Variants in DYNC2H1 observed in about 807,000 individuals in gnomAD.
DYNC2H1 encodes the protein cytoplasmic dynein 2 heavy chain 1.
DYNC2H1 carries 410 observed loss-of-function variants against 570.0 expected under a neutral mutation model. The ratio of observed to expected loss-of-function variants is 0.72; its 90% CI spans 0.66 to 0.78. The LOEUF (loss-of-function observed/expected upper bound fraction) is 0.78, where lower values mean the gene tolerates loss of function less well. Ranked by LOEUF, DYNC2H1 falls within the 30% of genes least tolerant of loss-of-function variation. The probability of loss-of-function intolerance (pLI) is 0.00; values close to 1 mark genes in which losing one functional copy is unlikely to be tolerated. For synonymous variants in DYNC2H1, 1,688 were observed against 1,677.6 expected (o/e 1.01, Z -0.15); for missense variants, 4,865 against 5,046.4 (o/e 0.96, Z 1.09).
chr11:103,315,204 A>C (rs1174347515), intron 79 of DYNC2H1, among the ~76,000 whole-genome samples: 2 of 152,070 alleles, frequency 1.3e-5, no homozygotes, highest in Non-Finnish European at 2.9e-5. Context: ...ATCCAGTTGG[A>C]TGTCTCAAAC....
At chr11:103,115,411 T>A in intron 4 of DYNC2H1, 116 bp downstream of exon 4, 1 of 607,932 alleles carries the variant, frequency 1.6e-6, no homozygotes, top group Non-Finnish European at 2.8e-6. Flanking sequence ...ACAAAATAGA[T>A]TCTTTATATG....
intron 69 of DYNC2H1, among the ~76,000 whole-genome samples, chr11:103,258,314 A>G (rs1865143077): frequency 6.6e-6 from 1 of 152,218 alleles, no homozygotes; most frequent in South Asian, 2.1e-4. Context: ...TTTTTAAGAG[A>G]TGGTGAGGCT....
At position 103,304,813 on chromosome 11, in the gene DYNC2H1, G is replaced by A. The variant is rs1867210342; in HGVS notation, c.11382+93G>A. 4 of 1,243,138 alleles carry A rather than the reference G, an allele frequency of 3.2e-6. No homozygotes were observed. In the African/African-American group the frequency reaches 4.6e-5, roughly 14 times the overall value. The allele number at this position is 1,243,138 out of a possible 1,614,324, so 77.0% of individuals were successfully genotyped here. A position where few individuals can be genotyped will look rare whatever the true frequency, so the allele number is the denominator to read the frequency against. Reference sequence around the variant, plus strand: ...TATTAAAATGTCATGCATTATTTATGATGATTTAAAAAGTAATATTTGAGA... The same window carrying A: ...TATTAAAATGTCATGCATTATTTATAATGATTTAAAAAGTAATATTTGAGA... On this transcript the variant is annotated intron_variant, in intron 77 of 88. Coordinates refer to ENST00000375735, the MANE Select transcript of DYNC2H1 (RefSeq NM_001377.3).
intron 83 of DYNC2H1, among the ~76,000 whole-genome samples, chr11:103,377,465 T>C (rs1364675671): frequency 6.6e-6 from 1 of 152,068 alleles, no homozygotes; most frequent in Non-Finnish European, 1.5e-5. Flanking sequence ...GAGATTAGAC[T>C]ATCGTACATA....
intron 87 of DYNC2H1, among the ~76,000 whole-genome samples, chr11:103,459,231 C>T (rs1405321846): frequency 1.5e-5 from 2 of 137,760 alleles, no homozygotes; most frequent in African/African-American, 2.7e-5. Flanking sequence ...ATGGCGTGAA[C>T]CCGGGAGGCG....
Position 103,128,893 on chromosome 11 carries a change from G to T in DYNC2H1, c.1858-17G>T. The stretch of plus-strand genomic sequence containing the variant: ...ATGAAGTTATTAATTATTACTAATT[G>T]GACTTTTACTTTGTAGGTGGCACAT... On this transcript the variant is annotated splice_polypyrimidine_tract_variant and intron_variant, in intron 12 of 88. Coordinates refer to ENST00000375735, the MANE Select transcript of DYNC2H1 (RefSeq NM_001377.3). 6.6e-7 allele frequency: 1 copy of T among 1,519,466 alleles called. No individual in the cohort carries two copies. Among genetic ancestry groups the T allele is most frequent in the Non-Finnish European group, 8.9e-7 (1 of 1,122,452 alleles). 94.1% of individuals were successfully genotyped at this position (1,519,466 alleles called of 1,614,324 possible).
At position 103,243,450 on chromosome 11, in the gene DYNC2H1, A is replaced by G. The variant is rs959809146; in HGVS notation, c.9820-243A>G. On this transcript the variant is annotated intron_variant, in intron 63 of 88. Coordinates refer to ENST00000375735, the MANE Select transcript of DYNC2H1 (RefSeq NM_001377.3). The surrounding 1 kb of genome is among the most constrained non-coding windows in gnomAD (Gnocchi z 4.8). ...TGTGTTAAGTAGGACTGTACTCTCT[A>G]TACTCTGGCTAAATGTAATTACCTA... is the stretch of plus-strand genomic sequence containing the variant. Among the ~76,000 whole-genome samples, 2 of 152,282 alleles carry G rather than the reference A, an allele frequency of 1.3e-5. No homozygotes were observed. Among genetic ancestry groups the G allele is most frequent in the African/African-American group, 4.8e-5 (2 of 41,554 alleles).
At chr11:103,382,377 A>C (rs1941686688) in intron 83 of DYNC2H1, among the ~76,000 whole-genome samples, 1 of 152,224 alleles carries the variant, frequency 6.6e-6, no homozygotes, top group South Asian at 2.1e-4. Context: ...CTGCCAAATT[A>C]AACTTGTAGA....
At chr11:103,266,859 G>A (rs1045840199) in intron 70 of DYNC2H1, among the ~76,000 whole-genome samples, 4 of 152,314 alleles carry the variant, frequency 2.6e-5, no homozygotes, top group African/African-American at 9.6e-5. Context: ...GGGTGCTCAG[G>A]TTAAAACAGC....
intron 85 of DYNC2H1, among the ~76,000 whole-genome samples, chr11:103,438,242 C>T (rs753523956): frequency 4.6e-5 from 7 of 151,814 alleles, no homozygotes; most frequent in Non-Finnish European, 1.0e-4. Flanking sequence ...TATAGATATC[C>T]ATCTCCCTGA....
At chr11:103,141,647 G>C (rs574091881) in intron 17 of DYNC2H1, among the ~76,000 whole-genome samples, 1 of 152,156 alleles carries the variant, frequency 6.6e-6, no homozygotes, top group Non-Finnish European at 1.5e-5. Flanking sequence ...CTGCTCAGGG[G>C]TCAGGGGTCA....
chr11:103,428,354 A>G (rs1943756192), intron 84 of DYNC2H1, among the ~76,000 whole-genome samples: 1 of 152,086 alleles, frequency 6.6e-6, no homozygotes, highest in South Asian at 2.1e-4. Flanking sequence ...TGAATAGTAC[A>G]TAGTCTATAT....
intron 85 of DYNC2H1, among the ~76,000 whole-genome samples, chr11:103,451,733 TAGCA>T (rs1944612726): frequency 1.3e-5 from 2 of 152,082 alleles, no homozygotes; most frequent in Admixed American, 1.3e-4. Context: ...TTGCAACCCT[TAGCA>T]ACATTTAATC....
chr11:103,223,324 T>C (rs1317214956), intron 59 of DYNC2H1, among the ~76,000 whole-genome samples: 1 of 152,168 alleles, frequency 6.6e-6, no homozygotes, highest in Non-Finnish European at 1.5e-5. Flanking sequence ...GTTGGAAGGC[T>C]AGGTAAAAGT....
intron 84 of DYNC2H1, among the ~76,000 whole-genome samples, chr11:103,418,823 C>T (rs529060716): frequency 6.6e-6 from 1 of 152,294 alleles, no homozygotes; most frequent in East Asian, 1.9e-4. Context: ...CACATCTTTG[C>T]AACCCATAGA....
intron 84 of DYNC2H1, among the ~76,000 whole-genome samples, chr11:103,426,262 G>A (rs1242438883): frequency 2.6e-5 from 4 of 152,122 alleles, no homozygotes; most frequent in African/African-American, 4.8e-5. Flanking sequence ...GTAAATATGT[G>A]GGTAAAACTC....
chr11:103,178,175 A>G (rs1474500206), intron 38 of DYNC2H1, among the ~76,000 whole-genome samples: 2 of 152,156 alleles, frequency 1.3e-5, no homozygotes, highest in African/African-American at 2.4e-5. Context: ...GGTGTGTATG[A>G]ACAGTATTAA....
chr11:103,391,652 T>C (rs1018946228), intron 83 of DYNC2H1, among the ~76,000 whole-genome samples: 18 of 152,234 alleles, frequency 1.2e-4, no homozygotes, highest in South Asian at 2.1e-4. Flanking sequence ...TCTTTGATGA[T>C]GGTGATGTAC....
At chr11:103,409,657 A>G (rs1411762403) in intron 84 of DYNC2H1, 3 of 154,046 alleles carry the variant, frequency 1.9e-5, no homozygotes, top group African/African-American at 7.3e-5. Context: ...TGGTATAGGG[A>G]GTTGTCTAAG....
Sources: gnomAD v4.1 joint callset for allele counts (sites outside exome capture counted in the v4.1 genomes callset) on GRCh38, gnomAD v4.1.1 for gene constraint, Gnocchi (gnomAD v3.1) non-coding constraint, MANE v1.5 for transcripts, NCBI Gene and HGNC (gene_info 2026-07-23, HGNC 2026-07-21) for gene names.